The following PLXDC2 variants were observed in gnomAD, a reference collection of about 807,000 sequenced individuals.
PLXDC2 encodes plexin domain-containing protein 2.
Under a neutral mutation model 68.9 loss-of-function variants are expected in PLXDC2, and 40 were observed. The ratio of observed to expected loss-of-function variants is 0.58; its 90% CI spans 0.45 to 0.76. The LOEUF (loss-of-function observed/expected upper bound fraction) is 0.76. Ranked by LOEUF, PLXDC2 falls within the 30% of genes least tolerant of loss-of-function variation. PLXDC2 has a pLI of 0.00. For synonymous variants in PLXDC2, 243 were observed against 234.2 expected (o/e 1.04, Z -0.34); for missense variants, 644 against 661.9 (o/e 0.97, Z 0.30).
At chr10:20,012,103 C>T (rs556177869) in intron 2 of PLXDC2, among the ~76,000 whole-genome samples, 168 of 152,064 alleles carry the variant, frequency 1.1e-3, no homozygotes, top group African/African-American at 3.9e-3. Flanking sequence ...GTAGACACAT[C>T]GATAGGCCAT....
intron 1 of PLXDC2, among the ~76,000 whole-genome samples, chr10:19,921,904 C>T (rs1029597162): frequency 2.0e-5 from 3 of 152,036 alleles, no homozygotes; most frequent in Non-Finnish European, 4.4e-5. Flanking sequence ...CTGTCTCAGT[C>T]TGGAATGCAG....
At chr10:19,827,401 TA>T (rs931009408) in intron 1 of PLXDC2, among the ~76,000 whole-genome samples, 1 of 152,204 alleles carries the variant, frequency 6.6e-6, no homozygotes, top group Admixed American at 6.5e-5. Flanking sequence ...CAGATTTTGC[TA>T]CAAACTCTTG....
intron 6 of PLXDC2, among the ~76,000 whole-genome samples, chr10:20,153,173 A>G: frequency 6.6e-6 from 1 of 152,210 alleles, no homozygotes; most frequent in African/African-American, 2.4e-5. Context: ...ACAAGTGGCT[A>G]TGAAATGATT....
intron 1 of PLXDC2, among the ~76,000 whole-genome samples, chr10:19,913,326 C>T (rs968099814): frequency 6.6e-6 from 1 of 152,042 alleles, no homozygotes; most frequent in Non-Finnish European, 1.5e-5. Flanking sequence ...CCTGCTCTCC[C>T]TTTCCTTCCA....
intron 1 of PLXDC2, among the ~76,000 whole-genome samples, chr10:19,995,170 C>G (rs1475583488): frequency 2.6e-5 from 4 of 152,234 alleles, no homozygotes; most frequent in African/African-American, 7.2e-5. Flanking sequence ...CAGTGGTCCC[C>G]AAGACTACCC....
intron 1 of PLXDC2, among the ~76,000 whole-genome samples, chr10:19,969,101 C>G (rs1463398248): frequency 6.6e-6 from 1 of 152,178 alleles, no homozygotes; most frequent in Non-Finnish European, 1.5e-5. Context: ...TGATTCTCTT[C>G]TACTTTTTTA....
At chr10:20,003,762 G>A (rs1355732092) in intron 2 of PLXDC2, among the ~76,000 whole-genome samples, 1 of 152,120 alleles carries the variant, frequency 6.6e-6, no homozygotes, top group African/African-American at 2.4e-5. Flanking sequence ...TTAGTTTGAG[G>A]AACATCTTTG....
chr10:20,052,722 C>CAAAAAAAA (rs59776582), intron 3 of PLXDC2, among the ~76,000 whole-genome samples: 53 of 92,282 alleles, frequency 5.7e-4, no homozygotes, highest in East Asian at 1.5e-3. Flanking sequence ...ACAAATTATG[C>CAAAAAAAA]AAAAAAAAAA....
chr10:20,002,340 A>G (rs989497213), intron 2 of PLXDC2, among the ~76,000 whole-genome samples: 10 of 151,404 alleles, frequency 6.6e-5, no homozygotes, highest in Non-Finnish European at 1.2e-4. Flanking sequence ...GCTCACTGCA[A>G]CCTCTGCTTC....
chr10:20,145,083 G>A (rs949980846), intron 5 of PLXDC2, among the ~76,000 whole-genome samples: 1 of 152,024 alleles, frequency 6.6e-6, no homozygotes, highest in Non-Finnish European at 1.5e-5. Context: ...TATTTAGGAC[G>A]TAGGTCCTAA....
intron 2 of PLXDC2, among the ~76,000 whole-genome samples, chr10:20,036,248 G>A (rs1460372616): frequency 6.6e-6 from 1 of 152,096 alleles, no homozygotes; most frequent in African/African-American, 2.4e-5. Flanking sequence ...GTTAAATGAG[G>A]CCATAAGGGT....
At chr10:20,182,288 T>A (rs958608620) in intron 9 of PLXDC2, among the ~76,000 whole-genome samples, 9 of 151,978 alleles carry the variant, frequency 5.9e-5, no homozygotes, top group Non-Finnish European at 1.2e-4. Context: ...ACCATTGATC[T>A]TCTTCCTATC....
At chr10:20,178,011 A>G (rs1393486469) in intron 9 of PLXDC2, among the ~76,000 whole-genome samples, 1 of 152,102 alleles carries the variant, frequency 6.6e-6, no homozygotes, top group Non-Finnish European at 1.5e-5. Flanking sequence ...GCAGTTGATG[A>G]GCCTATAAAC....
At chr10:19,933,161 G>A (rs1297561590) in intron 1 of PLXDC2, among the ~76,000 whole-genome samples, 1 of 152,092 alleles carries the variant, frequency 6.6e-6, no homozygotes, top group Non-Finnish European at 1.5e-5. Flanking sequence ...CTCCTGTCAA[G>A]CAAAGGTTCT....
chr10:20,232,959 T>C (rs1835385169), intron 12 of PLXDC2, among the ~76,000 whole-genome samples: 1 of 152,218 alleles, frequency 6.6e-6, no homozygotes, highest in South Asian at 2.1e-4. Flanking sequence ...ATAGTTTTTT[T>C]TTAAATTCCT....
At chr10:20,193,211 A>G (rs12359601) in intron 9 of PLXDC2, among the ~76,000 whole-genome samples, 34,468 of 152,040 alleles carry the variant, frequency 0.23, 5,133 homozygotes, top group Middle Eastern at 0.34. Flanking sequence ...GACACAGACC[A>G]TATGGCCTGT....
Position 20,023,018 on chromosome 10 carries a change from A to G in PLXDC2, c.324+21032A>G, listed in dbSNP as rs142905245. ...TGGCCACTGGAGCCTGGATATTATT[A>G]TAACCCTCCCCCCGCAAAAAAAGGC... On this transcript the variant is annotated intron_variant, in intron 2 of 13. Transcript: ENST00000377252. 2.6e-3 allele frequency among the ~76,000 whole-genome samples: 387 copies of G among 151,340 alleles called. 1 individual carries two copies. The highest frequency in any genetic ancestry group is 8.4e-3 in the African/African-American group (347 of 41,358).
In PLXDC2 at chr10:20,001,838, ACG is replaced by A. The variant is rs1834945206; in HGVS notation, c.179_180del (p.Ala60ValfsTer28). 6.2e-7 allele frequency: 1 copy of A among 1,613,910 alleles called. No homozygotes were observed. Among genetic ancestry groups the A allele is most frequent in the African/African-American group, 1.3e-5 (1 of 74,882 alleles). ...GAGGAGGAGGTGGAAGTTGATTCAC[ACG>A]CGTACAGCCACAGGTGGAAAAGAAA... On this transcript the variant is annotated frameshift_variant, in exon 2 of 14. Coordinates refer to ENST00000377252, the MANE Select transcript of PLXDC2 (RefSeq NM_032812.9). LOFTEE classifies it high-confidence loss of function.
intron 1 of PLXDC2, among the ~76,000 whole-genome samples, chr10:19,870,137 T>A (rs72784140): frequency 0.039 from 6,014 of 152,284 alleles, 182 homozygotes; most frequent in East Asian, 0.14. Context: ...CTTGGGGTCT[T>A]ATTCAAGTGA....
Sources: allele counts gnomAD v4.1 joint callset (sites outside exome capture counted in the v4.1 genomes callset), GRCh38; gene constraint gnomAD v4.1.1; transcripts MANE v1.5; gene names NCBI Gene and HGNC (gene_info 2026-07-23, HGNC 2026-07-21).